CTNND2: variants seen among roughly 807,000 people sequenced by gnomAD.
The protein encoded by CTNND2 is catenin delta-2.
In CTNND2, 22 loss-of-function variants were observed where a neutral mutation model predicts 144.4. That is an observed-to-expected ratio of 0.15 (90% CI 0.11 to 0.22). CTNND2 has a LOEUF of 0.22. Among genes scored for constraint, CTNND2 ranks in the 10% least tolerant of loss-of-function variants. The pLI is 1.00. For missense variants in CTNND2, 1,353 were observed against 1,618.8 expected, an observed-to-expected ratio of 0.84 and a Z score of 2.82; for synonymous variants, 751 against 695.6, an observed-to-expected ratio of 1.08 and a Z score of -1.25.
At chr5:11,117,335 A>G (rs537790718) in intron 13 of CTNND2, 115 bp downstream of exon 13, 1 of 767,618 alleles carries the variant, frequency 1.3e-6, no homozygotes, top group Admixed American at 2.0e-5. Context: ...ACCAGGAGAG[A>G]GTTCAGAAGG....
chr5:11,784,915 G>A (rs1209941520), intron 1 of CTNND2, among the ~76,000 whole-genome samples: 1 of 152,120 alleles, frequency 6.6e-6, no homozygotes, highest in Non-Finnish European at 1.5e-5. Context: ...TCTGACCTTT[G>A]GAAATTGTGA....
intron 2 of CTNND2, among the ~76,000 whole-genome samples, chr5:11,680,315 C>A (rs1469815432): frequency 6.6e-6 from 1 of 152,116 alleles, no homozygotes; most frequent in South Asian, 2.1e-4. Flanking sequence ...CCACACTCAA[C>A]AATTTTGCCC....
intron 2 of CTNND2, among the ~76,000 whole-genome samples, chr5:11,599,918 T>G (rs1295491157): frequency 1.3e-5 from 2 of 152,238 alleles, no homozygotes; most frequent in Non-Finnish European, 2.9e-5. Context: ...GAGTTAATAC[T>G]TGGGTTACAC....
chr5:11,648,551 AT>A (rs1443943914), intron 2 of CTNND2, among the ~76,000 whole-genome samples: 1 of 152,150 alleles, frequency 6.6e-6, no homozygotes, highest in Non-Finnish European at 1.5e-5. Flanking sequence ...ATTAATTTAT[AT>A]TTTTTAACAT....
At chr5:11,520,575 T>C (rs945603151) in intron 3 of CTNND2, among the ~76,000 whole-genome samples, 11 of 152,256 alleles carry the variant, frequency 7.2e-5, no homozygotes, top group Non-Finnish European at 1.5e-4. Context: ...GCATCAGACC[T>C]TGATCTCAAT....
At chr5:11,842,478 G>A (rs1375563972) in intron 1 of CTNND2, among the ~76,000 whole-genome samples, 1 of 152,124 alleles carries the variant, frequency 6.6e-6, no homozygotes, top group African/African-American at 2.4e-5. Flanking sequence ...CCAGCACACT[G>A]GGAGGCTGAG....
intron 2 of CTNND2, among the ~76,000 whole-genome samples, chr5:11,643,227 TG>T (rs1440881849): frequency 2.0e-5 from 3 of 151,786 alleles, no homozygotes; most frequent in Non-Finnish European, 2.9e-5. Flanking sequence ...TTTTTATTTT[TG>T]TTTTTTTAAT....
chr5:11,835,715 G>C (rs777015822), intron 1 of CTNND2, among the ~76,000 whole-genome samples: 10 of 152,114 alleles, frequency 6.6e-5, no homozygotes, highest in Non-Finnish European at 1.2e-4. Context: ...TGTCAGTCTT[G>C]TTAGAAGACT....
chr5:11,249,579 A>G (rs1340206909), intron 9 of CTNND2, among the ~76,000 whole-genome samples: 1 of 152,184 alleles, frequency 6.6e-6, no homozygotes, highest in Admixed American at 6.5e-5. Context: ...CAGCCAGGCT[A>G]CTGTGAGTTG....
At chr5:11,070,231 A>C (rs980787724) in intron 16 of CTNND2, among the ~76,000 whole-genome samples, 1 of 152,206 alleles carries the variant, frequency 6.6e-6, no homozygotes, top group East Asian at 1.9e-4. Context: ...GACAACATGC[A>C]TGAAAAAAAT....
intron 2 of CTNND2, among the ~76,000 whole-genome samples, chr5:11,631,588 T>C (rs945737460): frequency 5.3e-5 from 8 of 152,164 alleles, no homozygotes; most frequent in African/African-American, 1.9e-4. Flanking sequence ...CCTCCAAGTA[T>C]AGAGCTACGC....
In CTNND2 at chr5:11,549,106, G is replaced by C. The variant is rs146574599; in HGVS notation, c.287+15838C>G. On this transcript the variant is annotated intron_variant, in intron 3 of 21. Transcript: ENST00000304623. Reference sequence around the variant, plus strand: ...GGTATTAATTGGCCTGTCATGCTTAGGAGGGTTAGCTTGATATATGTCTTG... The same window carrying C: ...GGTATTAATTGGCCTGTCATGCTTACGAGGGTTAGCTTGATATATGTCTTG... Among the ~76,000 whole-genome samples, 305 of 152,302 alleles carry C rather than the reference G, an allele frequency of 2.0e-3. 1 individual carries two copies. Among genetic ancestry groups the C allele is most frequent in the Middle Eastern group, 3.4e-3 (1 of 294 alleles).
chr5:11,766,482 GTC>G (rs1394659823), intron 1 of CTNND2, among the ~76,000 whole-genome samples: 1 of 152,160 alleles, frequency 6.6e-6, no homozygotes, highest in Non-Finnish European at 1.5e-5. Flanking sequence ...TGCACAAGCT[GTC>G]TCTCTCTTTT....
chr5:11,650,148 C>T (rs1782574311), intron 2 of CTNND2, among the ~76,000 whole-genome samples: 1 of 152,074 alleles, frequency 6.6e-6, no homozygotes, highest in Non-Finnish European at 1.5e-5. Context: ...GGGGTGATTT[C>T]CCCCTTGCAG....
chr5:11,188,832 G>A (rs1735945968), intron 11 of CTNND2, among the ~76,000 whole-genome samples: 1 of 152,062 alleles, frequency 6.6e-6, no homozygotes, highest in South Asian at 2.1e-4. Flanking sequence ...TTCACGTATG[G>A]GAGACAAAAC....
intron 2 of CTNND2, among the ~76,000 whole-genome samples, chr5:11,691,438 G>A (rs1414966010): frequency 6.6e-6 from 1 of 151,172 alleles, no homozygotes; most frequent in Non-Finnish European, 1.5e-5. Flanking sequence ...GATATGTCTG[G>A]CTAACAGAGC....
chr5:11,185,030 G>A (rs541410689), intron 11 of CTNND2, among the ~76,000 whole-genome samples: 84 of 152,256 alleles, frequency 5.5e-4, no homozygotes, highest in African/African-American at 1.6e-3. Flanking sequence ...GCATGCACAC[G>A]GATGACTCAG....
chr5:11,434,997 T>C (rs1005741959), intron 3 of CTNND2, among the ~76,000 whole-genome samples: 1 of 152,114 alleles, frequency 6.6e-6, no homozygotes, highest in Non-Finnish European at 1.5e-5. Context: ...TTTTCTCCAA[T>C]AATAATCCAA....
chr5:11,138,386 A>T (rs948495997), intron 12 of CTNND2, among the ~76,000 whole-genome samples: 2 of 152,168 alleles, frequency 1.3e-5, no homozygotes, highest in Non-Finnish European at 2.9e-5. Flanking sequence ...TAGGATGTAG[A>T]CATCTTTGGG....
Sources: allele counts gnomAD v4.1 joint callset (sites outside exome capture counted in the v4.1 genomes callset), GRCh38; gene constraint gnomAD v4.1.1; transcripts MANE v1.5; gene names NCBI Gene and HGNC (gene_info 2026-07-23, HGNC 2026-07-21).